Variants in PKHD1L1 observed in about 807,000 individuals in gnomAD.
PKHD1L1 encodes fibrocystin-L.
PKHD1L1 carries 434 observed loss-of-function variants against 462.9 expected under a neutral mutation model. That is an observed-to-expected ratio of 0.94 (90% confidence interval 0.87 to 1.02). The LOEUF (loss-of-function observed/expected upper bound fraction) is 1.02, where lower values mean the gene tolerates loss of function less well. Among genes scored for constraint, PKHD1L1 ranks in the 50% least tolerant of loss-of-function variants. The pLI, the probability that PKHD1L1 is intolerant of heterozygous loss-of-function variation, is 0.00. For missense variants in PKHD1L1, 5,202 were observed against 5,096.1 expected (o/e 1.02, Z -0.63); for synonymous variants, 1,781 against 1,750.0 (o/e 1.02, Z -0.44).
At chr8:109,384,528 G>GA (rs954769017) in intron 5 of PKHD1L1, among the ~76,000 whole-genome samples, 8 of 150,854 alleles carry the variant, frequency 5.3e-5, no homozygotes, top group Admixed American at 6.6e-5. Flanking sequence ...GATCCTATCT[G>GA]AAAAAAAAGA....
intron 21 of PKHD1L1, among the ~76,000 whole-genome samples, chr8:109,415,871 GT>G (rs1814139162): frequency 1.4e-5 from 2 of 145,542 alleles, no homozygotes; most frequent in African/African-American, 2.6e-5. Context: ...AGGGGTGTGT[GT>G]GTGTGTGTGT....
At chr8:109,389,865 C>T (rs1812630524) in intron 8 of PKHD1L1, among the ~76,000 whole-genome samples, 1 of 152,074 alleles carries the variant, frequency 6.6e-6, no homozygotes, top group Admixed American at 6.6e-5. Context: ...TCTCTTCTGT[C>T]TCAGGCCCTT....
chr8:109,405,553 C>A (rs1813491849), intron 16 of PKHD1L1, among the ~76,000 whole-genome samples: 1 of 152,010 alleles, frequency 6.6e-6, no homozygotes, highest in African/African-American at 2.4e-5. Context: ...ATGGATGGAG[C>A]TTAAAGCCAC....
At chr8:109,403,969 C>T (rs925139112) in intron 14 of PKHD1L1, among the ~76,000 whole-genome samples, 1 of 152,056 alleles carries the variant, frequency 6.6e-6, no homozygotes, top group Non-Finnish European at 1.5e-5. Context: ...GGGCAGGAGA[C>T]ATCAAGAATC....
At position 109,385,575 on chromosome 8, in the gene PKHD1L1, G is replaced by A. The variant is rs1322768023; in HGVS notation, c.514G>A (p.Val172Ile). Residue 172 changes from valine (V) to isoleucine (I), a missense_variant, in exon 6 of 78, where the codon GTC becomes ATC. Physicochemically the swap from Val to Ile is conservative, Grantham distance 29. Coordinates refer to ENST00000378402, the MANE Select transcript of PKHD1L1 (RefSeq NM_177531.6). The stretch of plus-strand genomic sequence containing the variant: ...AATCCAAGGCAGAATCTTCACTGAT[G>A]TCTATGGAAGTAATATTGCACTAAG... ...ITIQGRIFTDVYGSNIALSSN... is the reference protein window; with the variant it reads ...ITIQGRIFTDIYGSNIALSSN... 2.5e-6 allele frequency: 4 copies of A among 1,606,388 alleles called. No individual in the cohort carries two copies. The African/African-American group carries it at 5.4e-5, about 22-fold the overall frequency.
chr8:109,442,216 T>C, intron 35 of PKHD1L1, 21 bp downstream of exon 35: 2 of 1,581,110 alleles, frequency 1.3e-6, no homozygotes, highest in Middle Eastern at 2.1e-4. Context: ...GCTTATTGGG[T>C]TTTGCATCAT....
chr8:109,534,189 G>A lies in PKHD1L1; in HGVS notation c.*4099G>A, dbSNP rs191910015. ...CTTCAACTTTAATCTGAGGCTAGGC[G>A]CAGTGGCTCACGCCTGTAATCCCAG... On this transcript the variant is annotated 3_prime_UTR_variant, in exon 78 of 78. Coordinates refer to ENST00000378402, the MANE Select transcript of PKHD1L1 (RefSeq NM_177531.6). 5.9e-5 allele frequency among the ~76,000 whole-genome samples: 9 copies of A among 152,356 alleles called. No homozygotes were observed. The highest frequency in any genetic ancestry group is 1.9e-4 in the East Asian group (1 of 5,190).
Position 109,443,822 on chromosome 8 carries a change from A to G in PKHD1L1, c.4711A>G (p.Ile1571Val), listed in dbSNP as rs1326526113. The G allele has an allele frequency of 2.0e-5, 32 of 1,613,764 alleles. No individual in the cohort carries two copies. The highest frequency in any genetic ancestry group is 7.7e-5 in the South Asian group (7 of 91,086). The change falls in exon 37 of 78, where the codon ATT (isoleucine) becomes GTT (valine). Residue 1571 changes from isoleucine (I) to valine (V), a missense_variant. Coordinates refer to ENST00000378402, the MANE Select transcript of PKHD1L1 (RefSeq NM_177531.6). ...TTGTTTTTCACCATCTATAAGCAAC[A>G]TTACTCCGTCCACTGGAACAGTAAA... ...SSCFSPSISN[I>V]TPSTGTVNEL...
At chr8:109,376,629 G>T (rs1258542922) in intron 2 of PKHD1L1, among the ~76,000 whole-genome samples, 3 of 152,132 alleles carry the variant, frequency 2.0e-5, no homozygotes, top group African/African-American at 7.2e-5. Flanking sequence ...TTCCTATTAG[G>T]CCGTCTTGAC....
chr8:109,409,907 C>T lies in PKHD1L1; in HGVS notation c.2014C>T (p.Pro672Ser), dbSNP rs747061003. The change falls in exon 19 of 78, where the codon CCA (proline) becomes TCA (serine). Residue 672 changes from proline (P) to serine (S), a missense_variant. Pro to Ser is a moderately conservative substitution (Grantham distance 74). This residue lies in a region of PKHD1L1 where 4,497 missense variants were observed against 4,336.8 expected (regional missense o/e 1.04). Transcript: ENST00000378402. ...VEEMVSTKCP[P>S]QIANFEEGFV... ...AGAAATGGTTAGCACTAAGTGTCCA[C>T]CACAAATTGCAAATTTTGAAGAAGG... 3 of 1,606,624 alleles carry T rather than the reference C, an allele frequency of 1.9e-6. No homozygotes were observed. Among genetic ancestry groups the T allele is most frequent in the South Asian group, 2.2e-5 (2 of 89,354 alleles).
At chr8:109,431,531 A>AAC (rs1002841492) in intron 27 of PKHD1L1, among the ~76,000 whole-genome samples, 48 of 151,342 alleles carry the variant, frequency 3.2e-4, no homozygotes, top group South Asian at 1.2e-3. Context: ...TTTTGTATAT[A>AAC]ACACACACAC....
At chr8:109,415,445 G>C (rs920234462) in intron 21 of PKHD1L1, among the ~76,000 whole-genome samples, 3 of 152,152 alleles carry the variant, frequency 2.0e-5, no homozygotes, top group African/African-American at 7.2e-5. Context: ...TCTTTTAGAG[G>C]ACAAGAAGTA....
intron 17 of PKHD1L1, among the ~76,000 whole-genome samples, chr8:109,407,067 A>G (rs1484546091): frequency 6.6e-6 from 1 of 152,208 alleles, no homozygotes; most frequent in African/African-American, 2.4e-5. Flanking sequence ...ATATTGACAT[A>G]GACATTCTGC....
At chr8:109,383,547 G>C (rs1812282611) in intron 4 of PKHD1L1, among the ~76,000 whole-genome samples, 1 of 145,210 alleles carries the variant, frequency 6.9e-6, no homozygotes, top group Non-Finnish European at 1.5e-5. Flanking sequence ...CAATTACTGA[G>C]TAGTACAATG....
chr8:109,479,378 A>C (rs1315227698), intron 53 of PKHD1L1, among the ~76,000 whole-genome samples, 173 bp from the exon 54 acceptor site: 1 of 151,502 alleles, frequency 6.6e-6, no homozygotes, highest in Admixed American at 6.6e-5. Context: ...CTCTACCCCT[A>C]CTCCCCATGA....
intron 27 of PKHD1L1, among the ~76,000 whole-genome samples, chr8:109,432,071 C>A (rs916129833): frequency 4.6e-5 from 7 of 152,114 alleles, no homozygotes; most frequent in Admixed American, 4.6e-4. Flanking sequence ...GATCATCCTT[C>A]ATATGTTTCT....
Position 109,443,922 on chromosome 8 carries a change from C to T in PKHD1L1, c.4791+20C>T, listed in dbSNP as rs945093357. The T allele has an allele frequency of 1.3e-6, 2 of 1,525,098 alleles. No individual in the cohort carries two copies. The highest frequency in any genetic ancestry group is 1.4e-5 in the African/African-American group (1 of 72,254). 94.5% of individuals were successfully genotyped at this position (1,525,098 alleles called of 1,614,324 possible). A position where few individuals can be genotyped will look rare whatever the true frequency, so the allele number is the denominator to read the frequency against. ...AATAAGGTAAGAATATAAATACCTCCTTTGTACTTCTATTATATGTTCCCA... is the reference window on the plus strand; with the variant it reads ...AATAAGGTAAGAATATAAATACCTCTTTTGTACTTCTATTATATGTTCCCA... On this transcript the variant is annotated intron_variant, in intron 37 of 77. Coordinates refer to ENST00000378402, the MANE Select transcript of PKHD1L1 (RefSeq NM_177531.6).
chr8:109,437,888 G>T (rs1815525929), intron 30 of PKHD1L1, among the ~76,000 whole-genome samples: 1 of 152,086 alleles, frequency 6.6e-6, no homozygotes, highest in Admixed American at 6.6e-5. Flanking sequence ...GGGTCCAAGT[G>T]CTTAGTCTTG....
At chr8:109,452,585 A>G (rs1226810085) in intron 42 of PKHD1L1, 133 bp from the exon 43 acceptor site, 1 of 470,412 alleles carries the variant, frequency 2.1e-6, no homozygotes, top group Non-Finnish European at 3.1e-6. Context: ...TTATTAATAA[A>G]ATGCTTATTG....
Sources: allele counts gnomAD v4.1 joint callset (sites outside exome capture counted in the v4.1 genomes callset), GRCh38; gene constraint gnomAD v4.1.1; regional missense constraint gnomAD v4.1.1; transcripts MANE v1.5; gene names NCBI Gene and HGNC (gene_info 2026-07-23, HGNC 2026-07-21).